The following DTHD1 variants were observed in gnomAD, a reference collection of about 807,000 sequenced individuals.
The protein encoded by DTHD1 is death domain-containing protein 1.
Under a neutral mutation model 74.8 loss-of-function variants are expected in DTHD1, and 59 were observed. That is an observed-to-expected ratio of 0.79 (90% CI 0.64 to 0.98). The LOEUF (loss-of-function observed/expected upper bound fraction) is 0.98. Ranked by LOEUF, DTHD1 falls within the 50% of genes least tolerant of loss-of-function variation. The pLI is 0.00. For missense variants in DTHD1, 1,051 were observed against 1,065.4 expected (o/e 0.99, Z 0.19); for synonymous variants, 365 against 371.1 (o/e 0.98, Z 0.19).
At chr4:36,338,947 A>G (rs1230416332) in intron 8 of DTHD1, among the ~76,000 whole-genome samples, 165 bp from the exon 9 acceptor site, 1 of 152,222 alleles carries the variant, frequency 6.6e-6, no homozygotes, top group Non-Finnish European at 1.5e-5. Flanking sequence ...TTATCTTAGG[A>G]AAACAATTGC....
intron 4 of DTHD1, 137 bp downstream of exon 4, chr4:36,293,842 T>C (rs1756234389): frequency 3.4e-6 from 2 of 582,764 alleles, no homozygotes; most frequent in Admixed American, 3.9e-5. Flanking sequence ...AACGGCCTAA[T>C]ATATAGTGAT....
intron 2 of DTHD1, among the ~76,000 whole-genome samples, chr4:36,285,647 A>AAG (rs1304722043): frequency 6.6e-6 from 1 of 151,508 alleles, no homozygotes; most frequent in Non-Finnish European, 1.5e-5. Flanking sequence ...TAGAAGTGAA[A>AAG]AAAAAAAATA....
intron 1 of DTHD1, among the ~76,000 whole-genome samples, 163 bp downstream of exon 1, chr4:36,282,192 G>C (rs932596645): frequency 3.3e-5 from 5 of 152,164 alleles, no homozygotes; most frequent in Non-Finnish European, 7.3e-5. Context: ...GCACAATAAT[G>C]CCAGGGACAT....
At position 36,284,287 on chromosome 4, in the gene DTHD1, A is replaced by T; in HGVS notation, c.583A>T (p.Thr195Ser). 1 of 1,537,234 alleles carries T rather than the reference A, an allele frequency of 6.5e-7. No homozygotes were observed. Reference protein sequence around the residue: ...SSALVEKENNTSLNGRVLGQE... With the variant: ...SSALVEKENNSSLNGRVLGQE... ...AGCATTAGTGGAAAAAGAAAACAAT[A>T]CATCACTGAATGGACGTGTACTGGG... Residue 195 changes from threonine (T) to serine (S), a missense_variant, in exon 2 of 10, where the codon ACA becomes TCA. Coordinates refer to ENST00000639862, the MANE Select transcript of DTHD1 (RefSeq NM_001170700.3).
At chr4:36,328,791 C>T (rs1578485412) in intron 8 of DTHD1, among the ~76,000 whole-genome samples, 3 of 152,222 alleles carry the variant, frequency 2.0e-5, no homozygotes, top group African/African-American at 7.2e-5. Flanking sequence ...TACACTATAT[C>T]AGCTACTGCC....
chr4:36,308,516 A>G (rs1757194552), intron 7 of DTHD1, 23 bp downstream of exon 7: 3 of 1,520,738 alleles, frequency 2.0e-6, no homozygotes. Flanking sequence ...AAATCTTTTT[A>G]TATATTTTAT....
intron 8 of DTHD1, among the ~76,000 whole-genome samples, chr4:36,328,199 C>T (rs1368426582): frequency 6.6e-6 from 1 of 152,196 alleles, no homozygotes; most frequent in Non-Finnish European, 1.5e-5. Context: ...GTATTTACCT[C>T]CAAGTGAGAC....
chr4:36,334,462 G>A (rs1052768167), intron 8 of DTHD1, among the ~76,000 whole-genome samples: 18 of 150,666 alleles, frequency 1.2e-4, no homozygotes, highest in African/African-American at 4.1e-4. Context: ...GGGATCAAGC[G>A]ATTCTCTTGC....
At chr4:36,343,450 G>A (rs1759430524) in intron 9 of DTHD1, 52 bp from the exon 10 acceptor site, 1 of 1,488,308 alleles carries the variant, frequency 6.7e-7, no homozygotes, top group East Asian at 2.5e-5. Context: ...TTAGACCCAT[G>A]CATCCCCCAG....
intron 8 of DTHD1, among the ~76,000 whole-genome samples, chr4:36,318,083 CTA>C (rs1757832425): frequency 6.6e-6 from 1 of 152,184 alleles, no homozygotes; most frequent in South Asian, 2.1e-4. Flanking sequence ...CACAGAAATC[CTA>C]TGATACATAA....
intron 7 of DTHD1, among the ~76,000 whole-genome samples, chr4:36,312,364 C>A (rs1196513046): frequency 6.6e-6 from 1 of 151,740 alleles, no homozygotes; most frequent in African/African-American, 2.4e-5. Context: ...ATATAATAAC[C>A]ATTCTTTAAT....
intron 5 of DTHD1, among the ~76,000 whole-genome samples, chr4:36,302,435 T>G (rs1756831852): frequency 6.6e-6 from 1 of 152,232 alleles, no homozygotes; most frequent in Non-Finnish European, 1.5e-5. Context: ...TTCTCTCAGC[T>G]GTGTGGTAAG....
chr4:36,346,272 C>T lies in DTHD1; in HGVS notation c.*2448C>T, dbSNP rs1759579708. Among the ~76,000 whole-genome samples the T allele has an allele frequency of 6.6e-6, 1 of 151,698 alleles. No individual in the cohort carries two copies. The highest frequency in any genetic ancestry group is 1.5e-5 in the Non-Finnish European group (1 of 67,852). ...ACACACACACGACATCTCACTTTAC[C>T]GTTACCACTTCACCTGCACATATAC... is the stretch of plus-strand genomic sequence containing the variant. On this transcript the variant is annotated 3_prime_UTR_variant, in exon 10 of 10. Coordinates refer to ENST00000639862, the MANE Select transcript of DTHD1 (RefSeq NM_001170700.3).
intron 8 of DTHD1, among the ~76,000 whole-genome samples, chr4:36,317,223 A>G (rs1757788743): frequency 6.6e-6 from 1 of 152,260 alleles, no homozygotes; most frequent in Non-Finnish European, 1.5e-5. Flanking sequence ...CTGATTTAAA[A>G]TAAATCATTA....
In DTHD1 at chr4:36,308,266, C is replaced by A. The variant is rs1421402461; in HGVS notation, c.1868C>A (p.Ser623Tyr). 1 of 1,552,202 alleles carries A rather than the reference C, an allele frequency of 6.4e-7. No homozygotes were observed. Among genetic ancestry groups the A allele is most frequent in the Non-Finnish European group, 8.7e-7 (1 of 1,147,102 alleles). The stretch of plus-strand genomic sequence containing the variant: ...AGTCATTTGGTTACTTTTGTGAAAT[C>A]TTTAGAGGAAGCCATGCTCAGCACC... ...DNSHLVTFVK[S>Y]LEEAMLSTTA... is the part of the protein sequence containing the mutation. Residue 623 changes from serine (S) to tyrosine (Y), a missense_variant, in exon 7 of 10, where the codon TCT becomes TAT. Transcript: ENST00000639862.
intron 8 of DTHD1, among the ~76,000 whole-genome samples, chr4:36,337,390 T>C (rs1759072541): frequency 6.6e-6 from 1 of 152,166 alleles, no homozygotes; most frequent in African/African-American, 2.4e-5. Context: ...GAACCATTTC[T>C]GTGTGCATCA....
intron 1 of DTHD1, among the ~76,000 whole-genome samples, chr4:36,282,489 C>T (rs1408544569): frequency 6.6e-6 from 1 of 152,016 alleles, no homozygotes. Flanking sequence ...TTGAGCTTAG[C>T]CTTATTGATT....
At chr4:36,339,467 A>G (rs1759196606) in intron 9 of DTHD1, among the ~76,000 whole-genome samples, 1 of 152,208 alleles carries the variant, frequency 6.6e-6, no homozygotes, top group Non-Finnish European at 1.5e-5. Flanking sequence ...ATAGATGACT[A>G]TACTTTGAGC....
chr4:36,343,950 T>A lies in DTHD1; in HGVS notation c.*126T>A. 1 of 930,600 alleles carries A rather than the reference T, an allele frequency of 1.1e-6. No homozygotes were observed. The highest frequency in any genetic ancestry group is 1.6e-6 in the Non-Finnish European group (1 of 638,546). 57.6% of individuals were successfully genotyped at this position (930,600 alleles called of 1,614,324 possible). A position where few individuals can be genotyped will look rare whatever the true frequency, so the allele number is the denominator to read the frequency against. On this transcript the variant is annotated 3_prime_UTR_variant, in exon 10 of 10. Coordinates refer to ENST00000639862, the MANE Select transcript of DTHD1 (RefSeq NM_001170700.3). ...TCAGTCTATTTAATGATGTGCTATT[T>A]AATGATGTGAGACAAAGGGAGAAGC...
Sources: allele counts gnomAD v4.1 joint callset (sites outside exome capture counted in the v4.1 genomes callset), GRCh38; gene constraint gnomAD v4.1.1; transcripts MANE v1.5; gene names NCBI Gene and HGNC (gene_info 2026-07-23, HGNC 2026-07-21).